Variants in PHF3 observed in about 807,000 individuals in gnomAD.
The protein encoded by PHF3 is PHD finger protein 3.
Under a neutral mutation model 178.4 loss-of-function variants are expected in PHF3, and 41 were observed. The ratio of observed to expected loss-of-function variants is 0.23; its 90% CI spans 0.18 to 0.30. The LOEUF is 0.30. Among genes scored for constraint, PHF3 ranks in the 10% least tolerant of loss-of-function variants. The pLI, the probability that PHF3 is intolerant of heterozygous loss-of-function variation, is 1.00. For synonymous variants in PHF3, 842 were observed against 800.5 expected (o/e 1.05, Z -0.88); for missense variants, 2,346 against 2,398.1 (o/e 0.98, Z 0.45).
Position 63,721,324 on chromosome 6 carries a change from G to A in PHF3, c.*7616G>A, listed in dbSNP as rs2149624814. The A allele has an allele frequency of 1.3e-6, 2 of 1,551,932 alleles. No individual in the cohort carries two copies. Among genetic ancestry groups the A allele is most frequent in the Non-Finnish European group, 8.7e-7 (1 of 1,146,996 alleles). On this transcript the variant is annotated 3_prime_UTR_variant, in exon 16 of 16. Transcript: ENST00000262043. ...TTACATGTATTTCCAGCCCAATCTG[G>A]CAAACATCTGCAAGAAAAAGTTGTG...
At position 63,720,644 on chromosome 6, in the gene PHF3, T is replaced by G. The variant is rs1029104528; in HGVS notation, c.*6936T>G. ...CTCCATCATAAACATTGTATCCTTC[T>G]AATTTAATTAGTTCAATGTTTTTTG... On this transcript the variant is annotated 3_prime_UTR_variant, in exon 16 of 16. Transcript: ENST00000262043. 5 of 1,526,574 alleles carry G rather than the reference T, an allele frequency of 3.3e-6. No homozygotes were observed. The African/African-American group carries it at 4.2e-5, about 13-fold the overall frequency. 94.6% of individuals were successfully genotyped at this position (1,526,574 alleles called of 1,614,324 possible).
Position 63,723,201 on chromosome 6 carries a change from CAAAG to C in PHF3, c.*9497_*9500del, listed in dbSNP as rs772939755. Among the ~76,000 whole-genome samples, 159 of 152,100 alleles carry C rather than the reference CAAAG, an allele frequency of 1.0e-3. 1 individual carries two copies. Among genetic ancestry groups the C allele is most frequent in the Middle Eastern group, 3.4e-3 (1 of 294 alleles). On this transcript the variant is annotated 3_prime_UTR_variant, in exon 16 of 16. Transcript: ENST00000262043. Reference sequence around the variant, plus strand: ...TGAAAATTGTTTTAAAAATTCATAACAAAGAAACTCAGTTTATTTGCATAATTTC... The same window carrying C: ...TGAAAATTGTTTTAAAAATTCATAACAAACTCAGTTTATTTGCATAATTTC...
chr6:63,674,373 T>C (rs182006564), intron 2 of PHF3, among the ~76,000 whole-genome samples: 1 of 115,618 alleles, frequency 8.6e-6, no homozygotes, highest in Non-Finnish European at 2.0e-5. Context: ...TTAAAATGTA[T>C]CGTAAAGAAG....
Position 63,713,109 on chromosome 6 carries a change from C to T in PHF3, c.5521C>T (p.Pro1841Ser), listed in dbSNP as rs1340296220. Residue 1841 changes from proline to serine, a missense_variant, in exon 16 of 16, where the codon CCC becomes TCC. Transcript: ENST00000262043. ...FPPHLPPPLL[P>S]PPGFGFAQNP... ...ACCACATTTGCCACCTCCATTACTT[C>T]CCCCTCCAGGCTTTGGCTTTGCTCA... is the stretch of plus-strand genomic sequence containing the variant. The T allele has an allele frequency of 1.9e-6, 3 of 1,614,052 alleles. No individual in the cohort carries two copies. The highest frequency in any genetic ancestry group is 4.5e-5 in the East Asian group (2 of 44,866).
intron 2 of PHF3, 122 bp from the exon 3 acceptor site, chr6:63,679,878 C>T (rs1282831104): frequency 8.4e-6 from 7 of 832,774 alleles, no homozygotes; most frequent in African/African-American, 1.7e-5. Flanking sequence ...ATTTCACATT[C>T]CAGATTTTCA....
intron 5 of PHF3, 47 bp downstream of exon 5, chr6:63,692,090 G>C: frequency 7.6e-7 from 1 of 1,311,412 alleles, no homozygotes; most frequent in Non-Finnish European, 1.0e-6. Flanking sequence ...AGAGCTTTTT[G>C]TATGGACTGA....
At position 63,685,609 on chromosome 6, in the gene PHF3, G is replaced by A; in HGVS notation, c.1887G>A (p.Lys629=). 1 of 1,614,088 alleles carries A rather than the reference G, an allele frequency of 6.2e-7. No individual in the cohort carries two copies. ...ATTCTAGCCAGAAACAGTGTCATAA[G>A]CCTCAGCAACAGGCCCCAGCAATGA... ...VSHSSQKQCH[K]PQQQAPAMKT... is the part of the protein sequence containing the mutation. Residue 629 remains lysine, a synonymous_variant, in exon 4 of 16, where the codon AAG becomes AAA. Transcript: ENST00000262043.
chr6:63,680,285 C>A, intron 3 of PHF3, 124 bp downstream of exon 3: 1 of 815,732 alleles, frequency 1.2e-6, no homozygotes, highest in Non-Finnish European at 1.9e-6. Flanking sequence ...GTTTTGATGG[C>A]AATCAGTTTT....
Position 63,713,034 on chromosome 6 carries a change from C to G in PHF3, c.5446C>G (p.Pro1816Ala). The change falls in exon 16 of 16, where the codon CCA becomes GCA. Residue 1816 changes from proline (P) to alanine (A), a missense_variant. By Grantham distance (27) the Pro-to-Ala change is conservative. Around this residue, in one of 8 missense-constraint regions of PHF3, gnomAD observed 839 missense variants for 806.9 expected, o/e 1.04. Transcript: ENST00000262043. ...QHLKSSPPGF[P>A]FPGPPNFPPQ... ...TCTCAAGTCTAGCCCACCTGGATTT[C>G]CATTTCCAGGGCCTCCTAATTTTCC... The G allele has an allele frequency of 6.2e-7, 1 of 1,613,976 alleles. No individual in the cohort carries two copies. Among genetic ancestry groups the G allele is most frequent in the Non-Finnish European group, 8.5e-7 (1 of 1,179,938 alleles).
intron 2 of PHF3, among the ~76,000 whole-genome samples, chr6:63,653,831 T>C (rs2149547791): frequency 6.6e-6 from 1 of 152,170 alleles, no homozygotes; most frequent in East Asian, 1.9e-4. Context: ...TGAGAGTTTT[T>C]ATTGTGAAGG....
chr6:63,667,033 C>T (rs1407713632), intron 2 of PHF3, among the ~76,000 whole-genome samples: 2 of 151,814 alleles, frequency 1.3e-5, no homozygotes, highest in Non-Finnish European at 2.9e-5. Context: ...ATTGCAGAGG[C>T]GGGGTCTCCT....
chr6:63,664,918 C>T (rs938704503), intron 2 of PHF3, among the ~76,000 whole-genome samples: 4 of 151,790 alleles, frequency 2.6e-5, no homozygotes, highest in Non-Finnish European at 5.9e-5. Flanking sequence ...GTTTTAAATA[C>T]AGAAAAGCTT....
At chr6:63,696,919 G>T (rs560950525) in intron 6 of PHF3, among the ~76,000 whole-genome samples, 1 of 152,258 alleles carries the variant, frequency 6.6e-6, no homozygotes, top group East Asian at 1.9e-4. Context: ...AACTGGAGAC[G>T]TTGATTACAG....
intron 2 of PHF3, among the ~76,000 whole-genome samples, chr6:63,665,486 G>GT (rs11427203): frequency 0.074 from 8,236 of 111,128 alleles, 1,129 homozygotes; most frequent in African/African-American, 0.23. Flanking sequence ...GTTTTTTTTT[G>GT]TTTTTTTTTT....
At chr6:63,642,643 C>T (rs115241979) in intron 1 of PHF3, among the ~76,000 whole-genome samples, 1,797 of 152,270 alleles carry the variant, frequency 0.012, 31 homozygotes, top group African/African-American at 0.041. Context: ...CACGTATCAT[C>T]AGCCATTTAA....
intron 2 of PHF3, among the ~76,000 whole-genome samples, chr6:63,667,248 T>A (rs1765719686): frequency 6.6e-6 from 1 of 152,196 alleles, no homozygotes; most frequent in South Asian, 2.1e-4. Flanking sequence ...TAAATATGTT[T>A]TGGAACAAAG....
intron 5 of PHF3, among the ~76,000 whole-genome samples, chr6:63,694,259 A>G (rs529124001): frequency 6.6e-6 from 1 of 152,334 alleles, no homozygotes; most frequent in African/African-American, 2.4e-5. Context: ...ATATAAGTGA[A>G]CTTAATTTCA....
Position 63,712,994 on chromosome 6 carries a change from G to T in PHF3, c.5406G>T (p.Gln1802His). The change falls in exon 16 of 16, where the codon CAG becomes CAT. Residue 1802 changes from glutamine (Q) to histidine (H), a missense_variant. By Grantham distance (24) the Gln-to-His change is conservative. This residue lies in a region of PHF3 where 839 missense variants were observed against 806.9 expected (regional missense o/e 1.04). Transcript: ENST00000262043. ...STNFSPMRPQ[Q>H]PNLQHLKSSP... The stretch of plus-strand genomic sequence containing the variant: ...ACTTTTCACCCATGAGGCCACAGCA[G>T]CCCAACCTTCAGCATCTCAAGTCTA... The T allele has an allele frequency of 6.2e-7, 1 of 1,614,004 alleles. No homozygotes were observed. The highest frequency in any genetic ancestry group is 2.2e-5 in the East Asian group (1 of 44,870).
chr6:63,714,802 T>C lies in PHF3; in HGVS notation c.*1094T>C, dbSNP rs967653983. On this transcript the variant is annotated 3_prime_UTR_variant, in exon 16 of 16. Coordinates refer to ENST00000262043, the MANE Select transcript of PHF3 (RefSeq NM_001370348.2). The stretch of plus-strand genomic sequence containing the variant: ...CGCAGAACTTGAAGAGAAATATGTT[T>C]TGAATCCTTTTATAAAATGTGCGAT... 4 of 152,110 alleles carry C rather than the reference T, an allele frequency of 2.6e-5. No individual in the cohort carries two copies. Among genetic ancestry groups the C allele is most frequent in the Admixed American group, 6.6e-5 (1 of 15,248 alleles). The allele number at this position is 152,110 out of a possible 1,614,324, so 9.4% of individuals were successfully genotyped here.
Sources: allele counts gnomAD v4.1 joint callset (sites outside exome capture counted in the v4.1 genomes callset), GRCh38; gene constraint gnomAD v4.1.1; regional missense constraint gnomAD v4.1.1; transcripts MANE v1.5; gene names NCBI Gene and HGNC (gene_info 2026-07-23, HGNC 2026-07-21).